The following RARB variants were observed in gnomAD, a reference collection of about 807,000 sequenced individuals.
RARB encodes retinoic acid receptor beta, also known as HBV-activated protein.
A neutral mutation model predicts 51.9 loss-of-function variants in RARB; 17 were observed. That is an observed-to-expected ratio of 0.33 (90% CI 0.22 to 0.49). RARB has a LOEUF of 0.49. Ranked by LOEUF, RARB falls within the 20% of genes least tolerant of loss-of-function variation. RARB has a pLI of 0.99. For synonymous variants in RARB, 215 were observed against 195.4 expected (o/e 1.10, Z -0.84); for missense variants, 369 against 550.8 (o/e 0.67, Z 3.30).
At chr3:24,912,760 A>G (rs995988069) in intron 2 of RARB, among the ~76,000 whole-genome samples, 1 of 152,288 alleles carries the variant, frequency 6.6e-6, no homozygotes, top group East Asian at 1.9e-4. Flanking sequence ...AATGTTCTTA[A>G]TAATTATCAT....
rs10713675 is a variant in RARB, at chr3:25,293,597, T to TAAAAAAAAAAAA, written c.178+119032_178+119043dup. Among the ~76,000 whole-genome samples the TAAAAAAAAAAAA allele has an allele frequency of 4.4e-4, 30 of 68,644 alleles. 3 individuals carry two copies. Among genetic ancestry groups the TAAAAAAAAAAAA allele is most frequent in the South Asian group, 1.4e-3 (2 of 1,462 alleles). 45.0% of individuals were successfully genotyped at this position (68,644 alleles called of 152,430 possible). ...TTCCCGAGGCTAGAGTTACTCCATT[T>TAAAAAAAAAAAA]AAAAAAAAAAAAAAAAAAAAAGTTC... On this transcript the variant is annotated intron_variant, in intron 5 of 11. Transcript: ENST00000383772.
At chr3:25,235,099 C>A (rs957155950) in intron 5 of RARB, among the ~76,000 whole-genome samples, 2 of 152,194 alleles carry the variant, frequency 1.3e-5, no homozygotes, top group African/African-American at 4.8e-5. Flanking sequence ...CTACATTGTT[C>A]TCCAGCACAG....
chr3:25,227,499 C>T (rs145783379), intron 5 of RARB, among the ~76,000 whole-genome samples: 154 of 152,094 alleles, frequency 1.0e-3, no homozygotes, highest in African/African-American at 3.4e-3. Flanking sequence ...TTTTATTTCT[C>T]GTAATACAGA....
intron 2 of RARB, among the ~76,000 whole-genome samples, chr3:25,029,253 T>C (rs1697819799): frequency 1.3e-5 from 2 of 152,202 alleles, no homozygotes; most frequent in South Asian, 4.1e-4. Flanking sequence ...CATGATTCTT[T>C]TGTCACCCAG....
intron 5 of RARB, among the ~76,000 whole-genome samples, chr3:25,592,728 C>G (rs2125324285): frequency 6.6e-6 from 1 of 152,292 alleles, no homozygotes; most frequent in Non-Finnish European, 1.5e-5. Flanking sequence ...GTGACTCAGG[C>G]TTTTTGCCTG....
intron 2 of RARB, among the ~76,000 whole-genome samples, chr3:24,873,701 T>C (rs1037258421): frequency 1.3e-5 from 2 of 152,006 alleles, no homozygotes; most frequent in East Asian, 3.9e-4. Context: ...TTTACAGCTA[T>C]AAATTTTCCC....
At chr3:24,839,614 G>T (rs191606456) in intron 1 of RARB, among the ~76,000 whole-genome samples, 1 of 150,188 alleles carries the variant, frequency 6.7e-6, no homozygotes, top group South Asian at 2.1e-4. Flanking sequence ...AGGCTGAGGT[G>T]GGGGGATCTC....
intron 2 of RARB, among the ~76,000 whole-genome samples, chr3:24,923,478 A>G (rs967494688): frequency 6.6e-6 from 1 of 152,110 alleles, no homozygotes; most frequent in African/African-American, 2.4e-5. Context: ...AAAACCTTAT[A>G]TAGGCACTCT....
chr3:25,210,432 A>T (rs1575222801), intron 5 of RARB, among the ~76,000 whole-genome samples: 1 of 151,466 alleles, frequency 6.6e-6, no homozygotes, highest in South Asian at 2.1e-4. Context: ...AGCTATGCCC[A>T]TTCACTTATG....
intron 3 of RARB, among the ~76,000 whole-genome samples, chr3:25,562,934 C>T (rs1471678182): frequency 6.6e-6 from 1 of 152,190 alleles, no homozygotes; most frequent in Non-Finnish European, 1.5e-5. Context: ...ACTTTAACCA[C>T]AAAGAAGTAT....
chr3:24,865,601 T>C (rs1386568899), intron 2 of RARB, among the ~76,000 whole-genome samples: 3 of 152,192 alleles, frequency 2.0e-5, no homozygotes, highest in Non-Finnish European at 4.4e-5. Context: ...CACCTCTCTG[T>C]CCTGTGGTGA....
intron 2 of RARB, among the ~76,000 whole-genome samples, chr3:24,942,469 A>G (rs770070406): frequency 7.2e-5 from 11 of 152,210 alleles, no homozygotes; most frequent in Non-Finnish European, 1.3e-4. Context: ...TTAAGAGTCA[A>G]CAAGACTTGA....
chr3:25,118,724 G>C (rs920896659), intron 3 of RARB, among the ~76,000 whole-genome samples: 2 of 152,012 alleles, frequency 1.3e-5, no homozygotes, highest in African/African-American at 4.8e-5. Flanking sequence ...ATGTCTTGGT[G>C]GAAGGATACC....
chr3:25,081,725 C>T lies in RARB; in HGVS notation c.-328+21549C>T, dbSNP rs572884189. Among the ~76,000 whole-genome samples the T allele has an allele frequency of 1.7e-3, 234 of 140,912 alleles. 3 individuals carry two copies. Among genetic ancestry groups the T allele is most frequent in the Non-Finnish European group, 1.9e-3 (127 of 65,862 alleles). 92.4% of individuals were successfully genotyped at this position (140,912 alleles called of 152,430 possible). A position where few individuals can be genotyped will look rare whatever the true frequency, so the allele number is the denominator to read the frequency against. On this transcript the variant is annotated intron_variant, in intron 3 of 11. Coordinates refer to the RARB transcript ENST00000383772. The stretch of plus-strand genomic sequence containing the variant: ...TTGGCTCACTGCAACCTCCACCTTC[C>T]GAGTTCAAGTGATTCTCCTGCCTCA...
At chr3:25,110,689 A>G (rs1002241025) in intron 3 of RARB, among the ~76,000 whole-genome samples, 2 of 152,204 alleles carry the variant, frequency 1.3e-5, no homozygotes, top group African/African-American at 4.8e-5. Context: ...TGCCTTTTCC[A>G]TTTTAAAAGA....
intron 1 of RARB, among the ~76,000 whole-genome samples, chr3:24,836,023 G>A (rs1257907108): frequency 6.6e-6 from 1 of 152,198 alleles, no homozygotes; most frequent in Non-Finnish European, 1.5e-5. Context: ...AAAGACTTGA[G>A]TGGCTCTGCA....
At chr3:25,433,284 A>G (rs576943256) in intron 1 of RARB, among the ~76,000 whole-genome samples, 2 of 6,022 alleles carry the variant, frequency 3.3e-4, no homozygotes, top group Non-Finnish European at 7.7e-4. Context: ...TAATATTACA[A>G]CATCTCCTAG....
chr3:24,940,093 A>G (rs993762632), intron 2 of RARB, among the ~76,000 whole-genome samples: 5 of 152,150 alleles, frequency 3.3e-5, no homozygotes, highest in East Asian at 1.9e-4. Context: ...ACCCTTCACT[A>G]TTTATTTCAG....
intron 2 of RARB, among the ~76,000 whole-genome samples, chr3:24,995,774 T>C (rs1378034854): frequency 6.6e-6 from 1 of 152,124 alleles, no homozygotes; most frequent in African/African-American, 2.4e-5. Context: ...AATTGACTTG[T>C]GTATGTTGAA....
Sources: allele counts gnomAD v4.1 joint callset (sites outside exome capture counted in the v4.1 genomes callset), GRCh38; gene constraint gnomAD v4.1.1; transcripts MANE v1.5; gene names NCBI Gene and HGNC (gene_info 2026-07-23, HGNC 2026-07-21).